The following CSNK2A2IP variants were observed in gnomAD, a reference collection of about 807,000 sequenced individuals.
CSNK2A2IP encodes casein kinase 2 subunit alpha' interacting protein.
At chr3:88,370,600 C>CTCTCTCTCTCTTTCTTTCTTTCTTTCTT in the CSNK2A2IP span, among the ~76,000 whole-genome samples, 1 of 114,930 alleles carries the variant, frequency 8.7e-6, no homozygotes, top group East Asian at 2.9e-4. Flanking sequence ...TTCTTTCTTT[C>CTCTCTCTCTCTTTCTTTCTTTCTTTCTT]TCTCTCTCTC....
the CSNK2A2IP span, chr3:88,343,156 G>A: frequency 6.6e-6 from 1 of 152,046 alleles, no homozygotes; most frequent in Non-Finnish European, 1.5e-5. Context: ...TTGCAGAAAT[G>A]GCCCAAGGAG....
chr3:88,406,995 A>G, the CSNK2A2IP span, among the ~76,000 whole-genome samples: 1 of 152,134 alleles, frequency 6.6e-6, no homozygotes, highest in Non-Finnish European at 1.5e-5. Flanking sequence ...TGCCCAGGCA[A>G]TTGCTTTTTG....
At chr3:88,387,215 G>A in the CSNK2A2IP span, among the ~76,000 whole-genome samples, 1 of 147,824 alleles carries the variant, frequency 6.8e-6, no homozygotes, top group East Asian at 2.0e-4. Context: ...AGGCTGGAGT[G>A]CAGTTTCAGG....
chr3:88,350,667 C>T, the CSNK2A2IP span, among the ~76,000 whole-genome samples: 42 of 150,606 alleles, frequency 2.8e-4, no homozygotes, highest in Non-Finnish European at 5.0e-4. Context: ...GCGTATCAGA[C>T]TATCCTTCAT....
chr3:88,391,221 T>C, the CSNK2A2IP span, among the ~76,000 whole-genome samples: 1 of 152,214 alleles, frequency 6.6e-6, no homozygotes, highest in Non-Finnish European at 1.5e-5. Flanking sequence ...TAATTCATGA[T>C]AAGAACTAAA....
the CSNK2A2IP span, among the ~76,000 whole-genome samples, chr3:88,414,172 T>C: frequency 6.7e-6 from 1 of 149,492 alleles, no homozygotes; most frequent in South Asian, 2.1e-4. Flanking sequence ...TATTTGTAAA[T>C]TTGTAACAAG....
At chr3:88,361,501 T>G in the CSNK2A2IP span, among the ~76,000 whole-genome samples, 1 of 152,188 alleles carries the variant, frequency 6.6e-6, no homozygotes, top group African/African-American at 2.4e-5. Context: ...ATTGAAACCA[T>G]TTTATGTGTC....
the CSNK2A2IP span, among the ~76,000 whole-genome samples, chr3:88,432,782 T>C: frequency 6.6e-6 from 1 of 150,556 alleles, no homozygotes; most frequent in African/African-American, 2.4e-5. Context: ...ATATTAATGA[T>C]ATTAAAATAA....
At chr3:88,428,238 T>C in the CSNK2A2IP span, among the ~76,000 whole-genome samples, 1 of 152,172 alleles carries the variant, frequency 6.6e-6, no homozygotes, top group Non-Finnish European at 1.5e-5. Context: ...ACGGCTGTAT[T>C]TACCCAATGC....
chr3:88,389,959 A>G, the CSNK2A2IP span, among the ~76,000 whole-genome samples: 3 of 152,006 alleles, frequency 2.0e-5, no homozygotes, highest in African/African-American at 7.3e-5. Flanking sequence ...CAAGAAAATC[A>G]CCAGAATAGC....
the CSNK2A2IP span, among the ~76,000 whole-genome samples, chr3:88,340,485 T>C: frequency 6.6e-6 from 1 of 152,008 alleles, no homozygotes; most frequent in Non-Finnish European, 1.5e-5. Context: ...AATTCCTCAC[T>C]TTTCAGAAAC....
chr3:88,363,296 A>G, the CSNK2A2IP span, among the ~76,000 whole-genome samples: 1 of 152,004 alleles, frequency 6.6e-6, no homozygotes, highest in South Asian at 2.1e-4. Flanking sequence ...ATATTCTCAA[A>G]TGTACTAATC....
the CSNK2A2IP span, among the ~76,000 whole-genome samples, chr3:88,371,598 C>A: frequency 1.3e-5 from 2 of 151,342 alleles, no homozygotes; most frequent in Non-Finnish European, 3.0e-5. Flanking sequence ...TAATTGGAGT[C>A]AAAAAGGAAC....
the CSNK2A2IP span, among the ~76,000 whole-genome samples, chr3:88,404,214 G>T: frequency 6.6e-6 from 1 of 152,144 alleles, no homozygotes; most frequent in African/African-American, 2.4e-5. Flanking sequence ...GTGTGGGGCT[G>T]CTAGTAGACA....
the CSNK2A2IP span, among the ~76,000 whole-genome samples, chr3:88,463,668 A>C: frequency 2.6e-5 from 4 of 152,164 alleles, no homozygotes; most frequent in African/African-American, 9.7e-5. Flanking sequence ...GCTGGAGAGG[A>C]TGTGGAGAAA....
the CSNK2A2IP span, among the ~76,000 whole-genome samples, chr3:88,460,534 C>T: frequency 6.6e-6 from 1 of 152,174 alleles, no homozygotes; most frequent in South Asian, 2.1e-4. Context: ...CCTTTCAGTG[C>T]AATTTTGTTT....
chr3:88,439,078 A>G, the CSNK2A2IP span, among the ~76,000 whole-genome samples: 16,208 of 152,080 alleles, frequency 0.11, 1,019 homozygotes, highest in Non-Finnish European at 0.13. Context: ...CCTCTCCGAG[A>G]TATGACATCT....
the CSNK2A2IP span, among the ~76,000 whole-genome samples, chr3:88,380,670 T>C: frequency 2.6e-5 from 4 of 151,858 alleles, no homozygotes; most frequent in African/African-American, 4.8e-5. Flanking sequence ...AATTGCCCCA[T>C]GTAAAACAGA....
chr3:88,455,742 G>C, the CSNK2A2IP span, among the ~76,000 whole-genome samples: 3 of 151,818 alleles, frequency 2.0e-5, no homozygotes. Context: ...TTTGTCATCT[G>C]TGCCTTTGGC....
Sources: gnomAD v4.1 joint callset for allele counts (sites outside exome capture counted in the v4.1 genomes callset) on GRCh38, gnomAD v4.1.1 for gene constraint, MANE v1.5 for transcripts, NCBI Gene and HGNC (gene_info 2026-07-23, HGNC 2026-07-21) for gene names.